Variants in DCDC2 observed in about 807,000 individuals in gnomAD.
DCDC2 encodes the protein doublecortin domain containing 2.
In DCDC2, 40 loss-of-function variants were observed where a neutral mutation model predicts 50.2. The observed-to-expected ratio is 0.80, with a 90% CI of 0.62 to 1.04. The LOEUF (loss-of-function observed/expected upper bound fraction) is 1.04. Among genes scored for constraint, DCDC2 ranks in the 50% least tolerant of loss-of-function variants. The pLI is 0.00. For missense variants in DCDC2, 570 were observed against 581.9 expected, an observed-to-expected ratio of 0.98 and a Z score of 0.21; for synonymous variants, 234 against 210.6, an observed-to-expected ratio of 1.11 and a Z score of -0.96.
intron 7 of DCDC2, among the ~76,000 whole-genome samples, chr6:24,234,035 A>G (rs757350657): frequency 3.3e-5 from 5 of 152,204 alleles, no homozygotes; most frequent in Non-Finnish European, 7.3e-5. Flanking sequence ...TAAAATGCAG[A>G]TAGATTATGC....
At chr6:24,361,891 C>T (rs1332408830), upstream of DCDC2, among the ~76,000 whole-genome samples, 1 of 152,100 alleles carries the variant, frequency 6.6e-6, no homozygotes, top group Admixed American at 6.6e-5. Context: ...ATCCAGATGT[C>T]TCTTGGATAT....
At chr6:24,187,179 T>C (rs770298048) in intron 8 of DCDC2, among the ~76,000 whole-genome samples, 1 of 151,896 alleles carries the variant, frequency 6.6e-6, no homozygotes, top group African/African-American at 2.4e-5. Context: ...CTTAAAAAAA[T>C]AGGGAAGTTG....
intron 7 of DCDC2, among the ~76,000 whole-genome samples, chr6:24,238,033 C>A (rs1762484910): frequency 7.2e-6 from 1 of 138,582 alleles, no homozygotes; most frequent in South Asian, 2.5e-4. Context: ...CACAATATAC[C>A]CCTGTAATAA....
intron 7 of DCDC2, among the ~76,000 whole-genome samples, chr6:24,220,891 T>TGAGCGAGCGAGCGAGAGAGTGAGCGAGC (rs1561895567): frequency 2.0e-5 from 2 of 98,970 alleles, no homozygotes; most frequent in Non-Finnish European, 4.4e-5. Flanking sequence ...AGCGAGAGAG[T>TGAGCGAGCGAGCGAGAGAGTGAGCGAGC]GAGCGAGCGA....
At chr6:24,192,486 CAAAGA>C (rs1761336147) in intron 8 of DCDC2, among the ~76,000 whole-genome samples, 1 of 151,124 alleles carries the variant, frequency 6.6e-6, no homozygotes, top group Admixed American at 6.6e-5. Context: ...AACATAGAGA[CAAAGA>C]AAACAAAAAA....
chr6:24,214,823 C>T (rs1252153850), intron 7 of DCDC2, among the ~76,000 whole-genome samples: 1 of 152,196 alleles, frequency 6.6e-6, no homozygotes, highest in East Asian at 1.9e-4. Flanking sequence ...TACTTCTATA[C>T]GCTAGATTTA....
intron 7 of DCDC2, among the ~76,000 whole-genome samples, chr6:24,207,707 A>G (rs987234604): frequency 3.3e-5 from 5 of 152,190 alleles, no homozygotes; most frequent in Non-Finnish European, 7.3e-5. Context: ...AGCATGGTGC[A>G]CTGCAAAGAG....
At chr6:24,272,514 A>G (rs1763259098) in intron 7 of DCDC2, among the ~76,000 whole-genome samples, 3 of 152,218 alleles carry the variant, frequency 2.0e-5, no homozygotes, top group African/African-American at 4.8e-5. Context: ...AGAATTCAAC[A>G]ACAAAAAATA....
chr6:24,294,760 A>C (rs1470659426), intron 4 of DCDC2, among the ~76,000 whole-genome samples: 2 of 152,196 alleles, frequency 1.3e-5, no homozygotes, highest in Non-Finnish European at 2.9e-5. Context: ...CCCTCCCAAG[A>C]CTGAACCAGG....
intron 2 of DCDC2, among the ~76,000 whole-genome samples, chr6:24,333,963 G>A (rs1351190420): frequency 3.3e-5 from 5 of 152,196 alleles, no homozygotes; most frequent in African/African-American, 1.2e-4. Flanking sequence ...AAACTGGAAT[G>A]GATAGTGGGA....
chr6:24,265,184 A>G (rs992883472), intron 7 of DCDC2, among the ~76,000 whole-genome samples: 9 of 152,284 alleles, frequency 5.9e-5, no homozygotes, highest in African/African-American at 2.2e-4. Context: ...AGAGAAGGTC[A>G]TTATATAATG....
the DCDC2 span, among the ~76,000 whole-genome samples, chr6:24,374,856 C>T: frequency 2.6e-5 from 4 of 152,206 alleles, no homozygotes; most frequent in Non-Finnish European, 5.9e-5. Context: ...ACACAGATCG[C>T]TCAGCCCCAT....
intron 2 of DCDC2, among the ~76,000 whole-genome samples, chr6:24,306,547 C>CAGAT (rs1759479791): frequency 1.1e-5 from 1 of 92,610 alleles, no homozygotes; most frequent in African/African-American, 4.8e-5. Context: ...GATAGATAGA[C>CAGAT]AGACAGACAG....
In DCDC2 at chr6:24,327,447, T is replaced by C. The variant is rs568096402; in HGVS notation, c.349-25403A>G. 1.8e-4 allele frequency among the ~76,000 whole-genome samples: 23 copies of C among 124,492 alleles called. 2 individuals are homozygous for C. In the East Asian group the frequency reaches 7.0e-3, roughly 38 times the overall value. The allele number at this position is 124,492 out of a possible 152,430, so 81.7% of individuals were successfully genotyped here. A position where few individuals can be genotyped will look rare whatever the true frequency, so the allele number is the denominator to read the frequency against. On this transcript the variant is annotated intron_variant, in intron 2 of 9. Coordinates refer to ENST00000378454, the MANE Select transcript of DCDC2 (RefSeq NM_016356.5). ...CAGTCCACTTTTAGTCAATCAACAT[T>C]ATAAACTTATTTATTTATTTATTTA...
chr6:24,298,247 T>G (rs1759300146), intron 4 of DCDC2, among the ~76,000 whole-genome samples: 1 of 152,226 alleles, frequency 6.6e-6, no homozygotes, highest in African/African-American at 2.4e-5. Context: ...CAGGCGGTGA[T>G]GCTCGCCTGC....
At chr6:24,176,327 A>G (rs76920301) in intron 9 of DCDC2, among the ~76,000 whole-genome samples, 1 of 15,550 alleles carries the variant, frequency 6.4e-5, no homozygotes, top group Non-Finnish European at 4.4e-4. Flanking sequence ...ATGTTGTCTC[A>G]AAAAAAAAAA....
chr6:24,312,207 C>T (rs1461099098), intron 2 of DCDC2, among the ~76,000 whole-genome samples: 1 of 151,826 alleles, frequency 6.6e-6, no homozygotes, highest in African/African-American at 2.4e-5. Flanking sequence ...CTGCCTCACC[C>T]CATCTCCCTT....
At chr6:24,340,533 A>C (rs1041682992) in intron 2 of DCDC2, among the ~76,000 whole-genome samples, 2 of 152,102 alleles carry the variant, frequency 1.3e-5, no homozygotes, top group Non-Finnish European at 2.9e-5. Context: ...TTTAATTGAC[A>C]CTTCTTTTTT....
At chr6:24,329,561 C>G (rs998849923) in intron 2 of DCDC2, among the ~76,000 whole-genome samples, 4 of 152,130 alleles carry the variant, frequency 2.6e-5, no homozygotes, top group African/African-American at 7.2e-5. Context: ...GCAACTTGGG[C>G]AACAACTTAA....
Sources: gnomAD v4.1 joint callset for allele counts (sites outside exome capture counted in the v4.1 genomes callset) on GRCh38, gnomAD v4.1.1 for gene constraint, MANE v1.5 for transcripts, NCBI Gene and HGNC (gene_info 2026-07-23, HGNC 2026-07-21) for gene names.